DGKG: variants seen among roughly 807,000 people sequenced by gnomAD.
DGKG encodes diacylglycerol kinase gamma.
DGKG carries 78 observed loss-of-function variants against 105.3 expected under a neutral mutation model. The ratio of observed to expected loss-of-function variants is 0.74; its 90% CI spans 0.62 to 0.89. DGKG has a LOEUF of 0.89. DGKG is among the 40% of genes least tolerant of loss of function. DGKG has a pLI of 0.00. For missense variants in DGKG, 958 were observed against 1,020.1 expected, an observed-to-expected ratio of 0.94 and a Z score of 0.83; for synonymous variants, 346 against 367.1, an observed-to-expected ratio of 0.94 and a Z score of 0.66.
rs780469191 is a variant in DGKG, at chr3:186,251,807, C to T, written c.1713G>A (p.Gly571=). Reference sequence around the variant, plus strand: ...TCATGATGCTGTATGGGACCTGGTCCCCGTTTTCCACTTCCTCTCTGGGGA... The same window carrying T: ...TCATGATGCTGTATGGGACCTGGTCTCCGTTTTCCACTTCCTCTCTGGGGA... ...EVIPREEVEN[G]DQVPYSIMNN... The change falls in exon 19 of 25, where the codon GGG becomes GGA. Residue 571 remains glycine, a synonymous_variant. Coordinates refer to ENST00000265022, the MANE Select transcript of DGKG (RefSeq NM_001346.3). 3.1e-6 allele frequency: 5 copies of T among 1,614,002 alleles called. No homozygotes were observed. In the South Asian group the frequency reaches 5.5e-5, roughly 18 times the overall value.
chr3:186,314,173 GCACACACACACACACA>G (rs3221277), intron 2 of DGKG, among the ~76,000 whole-genome samples: 2,295 of 139,568 alleles, frequency 0.016, 32 homozygotes, highest in Middle Eastern at 0.041. Flanking sequence ...ATACATATCT[GCACACACACACACACA>G]CACACACACA....
intron 20 of DGKG, among the ~76,000 whole-genome samples, chr3:186,241,100 G>A (rs996478191): frequency 6.6e-6 from 1 of 152,062 alleles, no homozygotes; most frequent in Non-Finnish European, 1.5e-5. Context: ...CCCACAGATC[G>A]CTCTTTCTGA....
chr3:186,293,824 G>A (rs9860334), intron 5 of DGKG, among the ~76,000 whole-genome samples: 2 of 152,198 alleles, frequency 1.3e-5, no homozygotes, highest in South Asian at 2.1e-4. Context: ...CTTCCTTGCC[G>A]GCAGAGGCCC....
intron 12 of DGKG, 123 bp downstream of exon 12, chr3:186,268,678 T>A: frequency 1.5e-6 from 1 of 663,474 alleles, no homozygotes; most frequent in South Asian, 1.8e-5. Flanking sequence ...CGCTGTGGGG[T>A]CCTCCTAGCC....
intron 2 of DGKG, among the ~76,000 whole-genome samples, chr3:186,318,760 G>A (rs369307108): frequency 5.9e-5 from 9 of 152,184 alleles, no homozygotes; most frequent in African/African-American, 1.9e-4. Flanking sequence ...AGCCAGCGCC[G>A]CTGACTCCTT....
chr3:186,290,135 C>T (rs1414539103), intron 5 of DGKG, among the ~76,000 whole-genome samples: 1 of 152,160 alleles, frequency 6.6e-6, no homozygotes, highest in Non-Finnish European at 1.5e-5. Context: ...TCTCAGAAGA[C>T]CAGATTTTCA....
At chr3:186,167,441 G>A (rs1281742577) in intron 22 of DGKG, among the ~76,000 whole-genome samples, 3 of 152,054 alleles carry the variant, frequency 2.0e-5, no homozygotes, top group Admixed American at 2.0e-4. Context: ...ACAACCCACC[G>A]CTTCCATTTT....
chr3:186,234,965 GT>G (rs1205920242), intron 20 of DGKG, among the ~76,000 whole-genome samples: 3 of 150,626 alleles, frequency 2.0e-5, no homozygotes, highest in Non-Finnish European at 4.4e-5. Flanking sequence ...ATAATCAAGA[GT>G]TAACTATAAA....
intron 2 of DGKG, among the ~76,000 whole-genome samples, chr3:186,308,359 C>T (rs573890695): frequency 6.6e-6 from 1 of 152,114 alleles, no homozygotes; most frequent in East Asian, 1.9e-4. Flanking sequence ...TTTCTCTGAC[C>T]TTGGCTATCC....
intron 19 of DGKG, among the ~76,000 whole-genome samples, chr3:186,245,420 G>C (rs16860614): frequency 0.018 from 2,772 of 152,252 alleles, 91 homozygotes; most frequent in African/African-American, 0.064. Context: ...TTCACTCTCT[G>C]GAGCTTCTAT....
At position 186,238,104 on chromosome 3, in the gene DGKG, C is replaced by T. The variant is rs140645041; in HGVS notation, c.1826+4400G>A. On this transcript the variant is annotated intron_variant, in intron 20 of 24. Coordinates refer to ENST00000265022, the MANE Select transcript of DGKG (RefSeq NM_001346.3). ...GGTCAGGAGTTCAAGACCAGGCTTG[C>T]TGACATGGTGAAACCCCATCTCTAC... 6.8e-3 allele frequency among the ~76,000 whole-genome samples: 1,036 copies of T among 151,970 alleles called. 7 individuals carry two copies. The highest frequency in any genetic ancestry group is 0.024 in the African/African-American group (984 of 41,400).
chr3:186,178,101 C>T (rs1352861313), intron 22 of DGKG, among the ~76,000 whole-genome samples: 1 of 152,222 alleles, frequency 6.6e-6, no homozygotes, highest in African/African-American at 2.4e-5. Flanking sequence ...AGAAGACTCT[C>T]ACCAGGAACC....
intron 3 of DGKG, among the ~76,000 whole-genome samples, chr3:186,304,213 G>C (rs2268820): frequency 0.76 from 116,247 of 152,260 alleles, 45,133 homozygotes; most frequent in African/African-American, 0.9. Context: ...ATTAGCAGCC[G>C]CCGCCAGGCT....
At chr3:186,241,149 C>T (rs533419046) in intron 20 of DGKG, among the ~76,000 whole-genome samples, 6 of 152,250 alleles carry the variant, frequency 3.9e-5, no homozygotes, top group African/African-American at 1.4e-4. Flanking sequence ...AAAAGACCTC[C>T]TTCTTCTTGG....
At chr3:186,153,366 G>C (rs1051517970) in intron 24 of DGKG, among the ~76,000 whole-genome samples, 6 of 152,138 alleles carry the variant, frequency 3.9e-5, no homozygotes, top group Admixed American at 3.9e-4. Context: ...GTCATCCCAC[G>C]TTTCTGTAGT....
chr3:186,254,482 TC>T (rs1721370608), intron 17 of DGKG, among the ~76,000 whole-genome samples: 1 of 152,140 alleles, frequency 6.6e-6, no homozygotes, highest in Non-Finnish European at 1.5e-5. Flanking sequence ...CCTAGAAGGC[TC>T]TTGTTTCCTG....
intron 17 of DGKG, among the ~76,000 whole-genome samples, chr3:186,253,881 C>T (rs568130206): frequency 1.3e-5 from 2 of 152,122 alleles, no homozygotes; most frequent in Non-Finnish European, 2.9e-5. Context: ...GTTCACCACT[C>T]GAGTTTAAAA....
chr3:186,321,758 GTGAACTAGAGC>G (rs1380111195), intron 1 of DGKG, among the ~76,000 whole-genome samples: 3 of 152,186 alleles, frequency 2.0e-5, no homozygotes, highest in African/African-American at 7.2e-5. Flanking sequence ...GACCTGGAGA[GTGAACTAGAGC>G]TGAGGGAAGA....
At chr3:186,286,786 C>A (rs1723090393) in intron 6 of DGKG, among the ~76,000 whole-genome samples, 1 of 152,124 alleles carries the variant, frequency 6.6e-6, no homozygotes, top group South Asian at 2.1e-4. Context: ...GTAATCCCAG[C>A]AATTTGGGAG....
Sources: allele counts gnomAD v4.1 joint callset (sites outside exome capture counted in the v4.1 genomes callset), GRCh38; gene constraint gnomAD v4.1.1; transcripts MANE v1.5; gene names NCBI Gene and HGNC (gene_info 2026-07-23, HGNC 2026-07-21).